The following CHRM3 variants were observed in gnomAD, a reference collection of about 807,000 sequenced individuals.
CHRM3 encodes the protein muscarinic acetylcholine receptor M3.
In CHRM3, 11 loss-of-function variants were observed where a neutral mutation model predicts 41.8. That is an observed-to-expected ratio of 0.26 (90% confidence interval 0.17 to 0.44). The LOEUF is 0.44. Ranked by LOEUF, CHRM3 falls within the 20% of genes least tolerant of loss-of-function variation. CHRM3 has a pLI of 1.00. For synonymous variants in CHRM3, 297 were observed against 301.4 expected, an observed-to-expected ratio of 0.99 and a Z score of 0.15; for missense variants, 571 against 745.4, an observed-to-expected ratio of 0.77 and a Z score of 2.72.
chr1:239,435,006 T>C (rs1223096286), intron 1 of CHRM3, among the ~76,000 whole-genome samples: 1 of 152,188 alleles, frequency 6.6e-6, no homozygotes, highest in African/African-American at 2.4e-5. Flanking sequence ...AGGACTCAGC[T>C]CCCAGTGGAT....
chr1:239,761,176 A>C (rs1283941914), intron 5 of CHRM3, among the ~76,000 whole-genome samples: 1 of 152,104 alleles, frequency 6.6e-6, no homozygotes, highest in Non-Finnish European at 1.5e-5. Flanking sequence ...CTATTAATCC[A>C]AGATAGTGTG....
intron 4 of CHRM3, among the ~76,000 whole-genome samples, chr1:239,635,252 C>T (rs749936171): frequency 6.6e-6 from 1 of 151,206 alleles, no homozygotes; most frequent in Non-Finnish European, 1.5e-5. Flanking sequence ...TTTGGGAAAC[C>T]TCCATCAGAT....
At chr1:239,891,231 A>T (rs551698242) in intron 6 of CHRM3, among the ~76,000 whole-genome samples, 1 of 152,204 alleles carries the variant, frequency 6.6e-6, no homozygotes, top group Non-Finnish European at 1.5e-5. Context: ...CCAGAGTTCT[A>T]TCGCCCAGAG....
intron 4 of CHRM3, among the ~76,000 whole-genome samples, chr1:239,654,690 C>T (rs1292332064): frequency 6.6e-6 from 1 of 152,184 alleles, no homozygotes; most frequent in East Asian, 1.9e-4. Context: ...TGAGCCACCA[C>T]GTCCAGCCCA....
At chr1:239,525,855 C>T (rs537200433) in intron 2 of CHRM3, among the ~76,000 whole-genome samples, 4 of 152,320 alleles carry the variant, frequency 2.6e-5, no homozygotes, top group South Asian at 2.1e-4. Flanking sequence ...TGGTTCTCCA[C>T]CTCACCTGCA....
chr1:239,904,440 T>C (rs921292877), intron 6 of CHRM3, among the ~76,000 whole-genome samples: 6 of 152,210 alleles, frequency 3.9e-5, no homozygotes, highest in Middle Eastern at 3.2e-3. Context: ...ACATCTGTCC[T>C]TGTGAATATA....
At chr1:239,639,129 G>T (rs1312980158) in intron 4 of CHRM3, among the ~76,000 whole-genome samples, 1 of 152,038 alleles carries the variant, frequency 6.6e-6, no homozygotes, top group African/African-American at 2.4e-5. Context: ...CTATATCTCT[G>T]TTTTGGTACC....
intron 5 of CHRM3, chr1:239,727,711 G>C (rs770635267): frequency 7.3e-5 from 11 of 151,656 alleles, no homozygotes; most frequent in African/African-American, 1.2e-4. Flanking sequence ...CGAGTCTCGT[G>C]TGTCGTGTAT....
intron 1 of CHRM3, among the ~76,000 whole-genome samples, chr1:239,444,735 A>G (rs1663997533): frequency 6.6e-6 from 1 of 152,226 alleles, no homozygotes. Context: ...ACAAACAGAT[A>G]CAAAATATAC....
chr1:239,640,284 T>C (rs1185133033), intron 4 of CHRM3, among the ~76,000 whole-genome samples: 3 of 152,224 alleles, frequency 2.0e-5, no homozygotes, highest in Admixed American at 2.0e-4. Context: ...CATCATAAAA[T>C]GAGTTAGGGA....
chr1:239,662,964 C>T (rs1025497975), intron 4 of CHRM3, among the ~76,000 whole-genome samples: 1 of 82,234 alleles, frequency 1.2e-5, no homozygotes, highest in African/African-American at 4.0e-5. Context: ...TTCTCCTCTT[C>T]CTTCTCCTCT....
rs201113785 is a variant in CHRM3, at chr1:239,907,898, C to T, written c.447C>T (p.Tyr149=). Residue 149 remains tyrosine (Y), a synonymous_variant, in exon 7 of 7, where the codon TAC becomes TAT. Transcript: ENST00000676153. The surrounding 1 kb of genome is among the most constrained non-coding windows in gnomAD (Gnocchi z 5.4). ...GTGACCTCTGGCTTGCCATTGACTA[C>T]GTAGCCAGCAATGCCTCTGTTATGA... ...LACDLWLAID[Y]VASNASVMNL... 41 of 1,614,098 alleles carry T rather than the reference C, an allele frequency of 2.5e-5. No homozygotes were observed. Among genetic ancestry groups the T allele is most frequent in the African/African-American group, 6.7e-5 (5 of 74,926 alleles).
intron 3 of CHRM3, among the ~76,000 whole-genome samples, chr1:239,567,710 A>G (rs904166187): frequency 6.6e-6 from 1 of 152,136 alleles, no homozygotes; most frequent in Non-Finnish European, 1.5e-5. Context: ...TGAAGCATGG[A>G]GAGCACATTA....
intron 4 of CHRM3, among the ~76,000 whole-genome samples, chr1:239,649,495 C>T (rs547563193): frequency 3.3e-5 from 5 of 152,224 alleles, no homozygotes; most frequent in South Asian, 2.1e-4. Flanking sequence ...TTCAGGAATT[C>T]GAGGCAGTTG....
At chr1:239,847,019 C>T (rs1474584866) in intron 6 of CHRM3, among the ~76,000 whole-genome samples, 1 of 152,154 alleles carries the variant, frequency 6.6e-6, no homozygotes, top group Non-Finnish European at 1.5e-5. Context: ...AGCTGATATG[C>T]CATCTCCATG....
intron 2 of CHRM3, among the ~76,000 whole-genome samples, chr1:239,499,962 A>T (rs971373818): frequency 2.0e-5 from 3 of 152,192 alleles, no homozygotes; most frequent in Admixed American, 6.5e-5. Context: ...TCAAGCCACC[A>T]CTACAAGAAC....
At chr1:239,450,769 G>A (rs1368392331) in intron 1 of CHRM3, among the ~76,000 whole-genome samples, 1 of 152,160 alleles carries the variant, frequency 6.6e-6, no homozygotes, top group Admixed American at 6.5e-5. Context: ...TTTCACTGTG[G>A]CTTTTCATGC....
intron 4 of CHRM3, among the ~76,000 whole-genome samples, chr1:239,672,379 A>G (rs1014525827): frequency 1.3e-5 from 2 of 152,146 alleles, no homozygotes; most frequent in African/African-American, 4.8e-5. Context: ...AGACAAGATG[A>G]GACCAAGAAC....
chr1:239,860,819 A>G (rs1675574142), intron 6 of CHRM3, among the ~76,000 whole-genome samples: 1 of 152,214 alleles, frequency 6.6e-6, no homozygotes, highest in Non-Finnish European at 1.5e-5. Context: ...CAGTCTGTGT[A>G]GCTGAAATTC....
Sources: gnomAD v4.1 joint callset for allele counts (sites outside exome capture counted in the v4.1 genomes callset) on GRCh38, gnomAD v4.1.1 for gene constraint, Gnocchi (gnomAD v3.1) non-coding constraint, MANE v1.5 for transcripts, NCBI Gene and HGNC (gene_info 2026-07-23, HGNC 2026-07-21) for gene names.